The following GOLM2 variants were observed in gnomAD, a reference collection of about 807,000 sequenced individuals.
GOLM2 encodes protein GOLM2.
In GOLM2, 26 loss-of-function variants were observed where a neutral mutation model predicts 55.9. The observed-to-expected ratio is 0.47, with a 90% CI of 0.34 to 0.65. The LOEUF is 0.65. GOLM2 is among the 30% of genes least tolerant of loss of function. The pLI, the probability that GOLM2 is intolerant of heterozygous loss-of-function variation, is 0.01. For synonymous variants in GOLM2, 165 were observed against 194.6 expected, an observed-to-expected ratio of 0.85 and a Z score of 1.27; for missense variants, 486 against 531.8, an observed-to-expected ratio of 0.91 and a Z score of 0.85.
intron 8 of GOLM2, among the ~76,000 whole-genome samples, chr15:44,384,047 TAA>T (rs1170483005): frequency 6.6e-6 from 1 of 152,210 alleles, no homozygotes; most frequent in Non-Finnish European, 1.5e-5. Context: ...GTTCCTGATA[TAA>T]GACTTTCTTA....
intron 8 of GOLM2, among the ~76,000 whole-genome samples, chr15:44,388,001 C>A (rs574603629): frequency 6.7e-6 from 1 of 148,292 alleles, no homozygotes; most frequent in African/African-American, 2.5e-5. Context: ...CGGAGTCTTG[C>A]TCTGTTGGCC....
intron 6 of GOLM2, among the ~76,000 whole-genome samples, chr15:44,370,058 T>C (rs1275162000): frequency 6.6e-6 from 1 of 152,198 alleles, no homozygotes; most frequent in East Asian, 1.9e-4. Flanking sequence ...GCTGTTAAGC[T>C]AGGCCAGTCT....
chr15:44,301,648 G>T (rs1464732162), intron 1 of GOLM2, among the ~76,000 whole-genome samples: 1 of 152,146 alleles, frequency 6.6e-6, no homozygotes, highest in African/African-American at 2.4e-5. Context: ...AGGATTTAAT[G>T]AGGCAAAGAT....
At chr15:44,290,102 G>A (rs909365677) in intron 1 of GOLM2, among the ~76,000 whole-genome samples, 1 of 152,212 alleles carries the variant, frequency 6.6e-6, no homozygotes, top group Non-Finnish European at 1.5e-5. Context: ...GTATAGCTAA[G>A]TTGCTATTAG....
chr15:44,356,543 G>A (rs1001366285), intron 6 of GOLM2, among the ~76,000 whole-genome samples: 1 of 152,126 alleles, frequency 6.6e-6, no homozygotes, highest in African/African-American at 2.4e-5. Flanking sequence ...ATCTGAACAG[G>A]TTTATATGTA....
At position 44,377,653 on chromosome 15, in the gene GOLM2, C is replaced by T. The variant is rs572103165; in HGVS notation, c.803-2037C>T. ...TCTTTCAAAGTGCTGGAATTACAGGCGTGAGCCACCTTTCCTGGCCCCTTG... is the reference window on the plus strand; with the variant it reads ...TCTTTCAAAGTGCTGGAATTACAGGTGTGAGCCACCTTTCCTGGCCCCTTG... On this transcript the variant is annotated intron_variant, in intron 6 of 9. Transcript: ENST00000299957. Among the ~76,000 whole-genome samples, 235 of 152,146 alleles carry T rather than the reference C, an allele frequency of 1.5e-3. 4 individuals carry two copies. Among genetic ancestry groups the T allele is most frequent in the Non-Finnish European group, 1.4e-3 (93 of 68,040 alleles).
In GOLM2 at chr15:44,380,967, T is replaced by C. The variant is rs1227600997; in HGVS notation, c.1063T>C (p.Leu355=). 6.4e-7 allele frequency: 1 copy of C among 1,560,914 alleles called. No individual in the cohort carries two copies. The highest frequency in any genetic ancestry group is 8.7e-7 in the Non-Finnish European group (1 of 1,155,720). Reference sequence around the variant, plus strand: ...GGACAGAGTCAGTGATTTCCATAAATTGAAGCAAAGTAAGAATCAATTGAT... The same window carrying C: ...GGACAGAGTCAGTGATTTCCATAAACTGAAGCAAAGTAAGAATCAATTGAT... ...TKDRVSDFHK[L]KQSRFFDENE... Residue 355 remains leucine, a synonymous_variant, in exon 8 of 10, where the codon TTG becomes CTG. Coordinates refer to ENST00000299957, the MANE Select transcript of GOLM2 (RefSeq NM_138423.4).
At chr15:44,402,391 C>G (rs2079571250) in intron 8 of GOLM2, among the ~76,000 whole-genome samples, 1 of 151,524 alleles carries the variant, frequency 6.6e-6, no homozygotes, top group South Asian at 2.1e-4. Flanking sequence ...AGGGTTTTAC[C>G]ATGTTTCCCA....
intron 4 of GOLM2, among the ~76,000 whole-genome samples, chr15:44,333,077 C>T (rs181627205): frequency 2.0e-5 from 3 of 152,066 alleles, no homozygotes; most frequent in Non-Finnish European, 2.9e-5. Flanking sequence ...GGACTACAGG[C>T]GCCTGCCACC....
At position 44,294,722 on chromosome 15, in the gene GOLM2, A is replaced by C. The variant is rs564735175; in HGVS notation, c.327+5366A>C. Among the ~76,000 whole-genome samples the C allele has an allele frequency of 8.1e-4, 122 of 150,708 alleles. 2 individuals carry two copies. The highest frequency in any genetic ancestry group is 5.6e-3 in the Admixed American group (85 of 15,056). On this transcript the variant is annotated intron_variant, in intron 1 of 9. Coordinates refer to ENST00000299957, the MANE Select transcript of GOLM2 (RefSeq NM_138423.4). ...GCGAGACTCCATCTCAAAAAAAAAA[A>C]AAAAAACACCACCACCACAAAAAAA...
Position 44,289,943 on chromosome 15 carries a change from A to G in GOLM2, c.327+587A>G, listed in dbSNP as rs1443863054. On this transcript the variant is annotated intron_variant, in intron 1 of 9. Transcript: ENST00000299957. The surrounding 1 kb of genome is among the most constrained non-coding windows in gnomAD (Gnocchi z 4.8). ...GGCCCTCGAGCTATATGTGAGACACACTTGTGTCTTGGACATAGTTGATCC... is the reference window on the plus strand; with the variant it reads ...GGCCCTCGAGCTATATGTGAGACACGCTTGTGTCTTGGACATAGTTGATCC... 6.6e-6 allele frequency among the ~76,000 whole-genome samples: 1 copy of G among 152,194 alleles called. No homozygotes were observed. Among genetic ancestry groups the G allele is most frequent in the Non-Finnish European group, 1.5e-5 (1 of 68,036 alleles).
At chr15:44,362,357 A>T (rs904552856) in intron 6 of GOLM2, among the ~76,000 whole-genome samples, 1 of 152,024 alleles carries the variant, frequency 6.6e-6, no homozygotes, top group Non-Finnish European at 1.5e-5. Context: ...CAGGATACAA[A>T]ATCAATGTAC....
chr15:44,331,093 C>T (rs1219035979), intron 3 of GOLM2, among the ~76,000 whole-genome samples: 1 of 152,106 alleles, frequency 6.6e-6, no homozygotes, highest in African/African-American at 2.4e-5. Flanking sequence ...CAGCTCACTG[C>T]AACCTCCACC....
At chr15:44,320,063 A>C (rs1157800798) in intron 1 of GOLM2, among the ~76,000 whole-genome samples, 1 of 152,220 alleles carries the variant, frequency 6.6e-6, no homozygotes, top group Non-Finnish European at 1.5e-5. Flanking sequence ...TGTGCTCAAC[A>C]AAAAGTCACT....
chr15:44,363,597 G>T (rs561714107), intron 6 of GOLM2, among the ~76,000 whole-genome samples: 1 of 152,292 alleles, frequency 6.6e-6, no homozygotes, highest in African/African-American at 2.4e-5. Context: ...CTGTTGGTGG[G>T]ACTGTAAACT....
chr15:44,391,340 C>T (rs973021211), intron 8 of GOLM2, among the ~76,000 whole-genome samples: 4 of 151,674 alleles, frequency 2.6e-5, no homozygotes, highest in African/African-American at 9.7e-5. Flanking sequence ...CGGTGAAGCC[C>T]CGTCTCTACT....
At chr15:44,402,220 A>G (rs1272690312) in intron 8 of GOLM2, among the ~76,000 whole-genome samples, 1 of 151,378 alleles carries the variant, frequency 6.6e-6, no homozygotes, top group East Asian at 1.9e-4. Flanking sequence ...CTTTTTAAAA[A>G]TCTGTCTTAG....
chr15:44,364,261 C>T (rs1271201704), intron 6 of GOLM2, among the ~76,000 whole-genome samples: 1 of 152,136 alleles, frequency 6.6e-6, no homozygotes, highest in Non-Finnish European at 1.5e-5. Context: ...TGGTGGCTCA[C>T]ATCTGTAATC....
intron 6 of GOLM2, among the ~76,000 whole-genome samples, chr15:44,345,425 A>T (rs2079117701): frequency 6.6e-6 from 1 of 151,626 alleles, no homozygotes; most frequent in Non-Finnish European, 1.5e-5. Context: ...CGCCCAGCTA[A>T]TTTTTTGTAT....
Sources: allele counts gnomAD v4.1 joint callset (sites outside exome capture counted in the v4.1 genomes callset), GRCh38; gene constraint gnomAD v4.1.1; non-coding constraint Gnocchi (gnomAD v3.1); transcripts MANE v1.5; gene names NCBI Gene and HGNC (gene_info 2026-07-23, HGNC 2026-07-21).